The following SNED1 variants were observed in gnomAD, a reference collection of about 807,000 sequenced individuals.
The protein encoded by SNED1 is sushi, nidogen and EGF like domains 1.
A neutral mutation model predicts 166.7 loss-of-function variants in SNED1; 81 were observed. The observed-to-expected ratio is 0.49, with a 90% confidence interval of 0.41 to 0.58. SNED1 has a LOEUF of 0.58. Among genes scored for constraint, SNED1 ranks in the 20% least tolerant of loss-of-function variants. The pLI is 0.00. For synonymous variants in SNED1, 762 were observed against 822.0 expected (o/e 0.93, Z 1.25); for missense variants, 1,604 against 2,000.2 (o/e 0.80, Z 3.78).
At chr2:241,089,710 G>A (rs765212646) in intron 31 of SNED1, among the ~76,000 whole-genome samples, 2 of 152,196 alleles carry the variant, frequency 1.3e-5, no homozygotes, top group South Asian at 2.1e-4. Context: ...TCCTACAGCC[G>A]AGCATCACTT....
intron 16 of SNED1, among the ~76,000 whole-genome samples, chr2:241,057,566 C>T (rs1456766635): frequency 6.6e-6 from 1 of 151,658 alleles, no homozygotes; most frequent in East Asian, 1.9e-4. Context: ...CTCCTGTAGT[C>T]CCAACTACTC....
intron 1 of SNED1, among the ~76,000 whole-genome samples, chr2:241,012,165 T>TC (rs1056759617): frequency 1.3e-5 from 2 of 151,106 alleles, no homozygotes; most frequent in African/African-American, 4.9e-5. Flanking sequence ...AGCAGGGAGG[T>TC]CCCCCACACC....
chr2:241,063,254 C>CTAA, intron 17 of SNED1: 1 of 481,790 alleles, frequency 2.1e-6, no homozygotes. Flanking sequence ...TCTTGTACCT[C>CTAA]GCTAGGGCTC....
chr2:241,061,532 GA>G (rs1361936454), intron 16 of SNED1, among the ~76,000 whole-genome samples: 2 of 152,086 alleles, frequency 1.3e-5, no homozygotes, highest in East Asian at 3.9e-4. Context: ...ATAAACCTAA[GA>G]AAAACTTCAC....
At position 241,068,213 on chromosome 2, in the gene SNED1, C is replaced by CCGGGGGCACACTTTCCA. The variant is rs2062544865; in HGVS notation, c.3194+268_3194+284dup. 6.6e-6 allele frequency among the ~76,000 whole-genome samples: 1 copy of CCGGGGGCACACTTTCCA among 152,138 alleles called. No homozygotes were observed. Among genetic ancestry groups the CCGGGGGCACACTTTCCA allele is most frequent in the South Asian group, 2.1e-4 (1 of 4,828 alleles). On this transcript the variant is annotated intron_variant, in intron 22 of 31. Coordinates refer to ENST00000310397, the MANE Select transcript of SNED1 (RefSeq NM_001080437.3). This position sits in a 1 kb window ranked among gnomAD's most constrained non-coding sequence, Gnocchi z 5.3. ...AAAGAGCAGGAAAAGCTCAGAAAAT[C>CCGGGGGCACACTTTCCA]CGGGGGCACACTTTCCACACAGATC...
rs374810934 is a variant in SNED1 at position 241,071,815 on chromosome 2, G to A, written c.3754G>A (p.Gly1252Ser). Residue 1252 changes from glycine (G) to serine (S), a missense_variant, in exon 26 of 32, where the codon GGC (glycine) becomes AGC (serine). This residue lies in a region of SNED1 where 367 missense variants were observed against 379.4 expected (regional missense o/e 0.97). Transcript: ENST00000310397. ...CTGCAGGTTCTCGGAGCTTGTGGAC[G>A]GCAGAGGAAGAGTGAGCGCCAGGTT... ...QPPRFSELVDGRGRVSARFGG... is the reference protein window; with the variant it reads ...QPPRFSELVDSRGRVSARFGG... The A allele has an allele frequency of 2.4e-5, 39 of 1,600,312 alleles. No homozygotes were observed. Among genetic ancestry groups the A allele is most frequent in the East Asian group, 1.8e-4 (8 of 44,452 alleles).
chr2:241,094,589 C>A lies in SNED1; in HGVS notation c.*2953C>A, dbSNP rs2064268193. The A allele has an allele frequency of 2.8e-6, 1 of 354,546 alleles. No individual in the cohort carries two copies. The highest frequency in any genetic ancestry group is 2.1e-5 in the African/African-American group (1 of 46,654). 22.0% of individuals were successfully genotyped at this position (354,546 alleles called of 1,614,324 possible). On this transcript the variant is annotated 3_prime_UTR_variant, in exon 32 of 32. Coordinates refer to ENST00000310397, the MANE Select transcript of SNED1 (RefSeq NM_001080437.3). This position sits in a 1 kb window ranked among gnomAD's most constrained non-coding sequence, Gnocchi z 4.3. ...TAAATAAAATAATACGATCCTAAGT[C>A]CATTTACCATCTGAAGTTGTCACGA...
At chr2:241,024,772 A>G (rs2060901853) in intron 1 of SNED1, among the ~76,000 whole-genome samples, 1 of 151,368 alleles carries the variant, frequency 6.6e-6, no homozygotes, top group Admixed American at 6.6e-5. Context: ...CCCAGGTTCA[A>G]GCAATTCTCC....
chr2:241,035,702 G>T (rs1329138101), intron 4 of SNED1: 1 of 151,318 alleles, frequency 6.6e-6, no homozygotes, highest in Non-Finnish European at 1.5e-5. Context: ...CACCACTGTC[G>T]GGGCGGAGGC....
chr2:241,053,454 T>TCC, intron 16 of SNED1, 128 bp downstream of exon 16: 1 of 902,294 alleles, frequency 1.1e-6, no homozygotes, highest in East Asian at 2.6e-5. Flanking sequence ...CTGCCCCTGC[T>TCC]CCCCTCAGTC....
intron 16 of SNED1, among the ~76,000 whole-genome samples, chr2:241,061,582 A>T (rs1335724681): frequency 1.3e-5 from 2 of 152,152 alleles, no homozygotes; most frequent in Admixed American, 1.3e-4. Context: ...ACACAGCAAC[A>T]TTTTTTGTAA....
At chr2:241,056,229 A>C (rs2062036142) in intron 16 of SNED1, among the ~76,000 whole-genome samples, 1 of 152,224 alleles carries the variant, frequency 6.6e-6, no homozygotes, top group Admixed American at 6.5e-5. Flanking sequence ...AAAAAGTAAC[A>C]AAATAGAAAA....
intron 1 of SNED1, among the ~76,000 whole-genome samples, chr2:241,007,137 G>T (rs554246258): frequency 2.6e-5 from 4 of 152,306 alleles, no homozygotes; most frequent in Admixed American, 1.3e-4. Flanking sequence ...CCTGCTGTGG[G>T]TGACTGTATA....
Position 241,068,546 on chromosome 2 carries a change from C to T in SNED1, c.3195-365C>T, listed in dbSNP as rs1478012653. On this transcript the variant is annotated intron_variant, in intron 22 of 31. Transcript: ENST00000310397. This position sits in a 1 kb window ranked among gnomAD's most constrained non-coding sequence, Gnocchi z 5.3. ...TGGGGTGGCATTGGCCTCACGTTGT[C>T]CTGTGGTTTCCTGAGAATTTACATC... Among the ~76,000 whole-genome samples, 1 of 152,110 alleles carries T rather than the reference C, an allele frequency of 6.6e-6. No homozygotes were observed. Among genetic ancestry groups the T allele is most frequent in the East Asian group, 1.9e-4 (1 of 5,192 alleles).
At chr2:241,009,659 C>T (rs536113700) in intron 1 of SNED1, among the ~76,000 whole-genome samples, 9 of 152,248 alleles carry the variant, frequency 5.9e-5, no homozygotes, top group Admixed American at 5.2e-4. Flanking sequence ...TCCTGGGAGC[C>T]CCTCCCTTAC....
Position 241,051,639 on chromosome 2 carries a change from G to C in SNED1, c.1736-105G>C, listed in dbSNP as rs1223636015. The stretch of plus-strand genomic sequence containing the variant: ...CCAGGCCCCAGGGCTTCGTCGAGAA[G>C]GCCCCACCAGCACCAGAGGACTGAG... On this transcript the variant is annotated intron_variant, in intron 12 of 31. Coordinates refer to ENST00000310397, the MANE Select transcript of SNED1 (RefSeq NM_001080437.3). This position sits in a 1 kb window ranked among gnomAD's most constrained non-coding sequence, Gnocchi z 4.7. 1 of 911,432 alleles carries C rather than the reference G, an allele frequency of 1.1e-6. No homozygotes were observed. The highest frequency in any genetic ancestry group is 1.6e-6 in the Non-Finnish European group (1 of 633,434). The allele number at this position is 911,432 out of a possible 1,614,324, so 56.5% of individuals were successfully genotyped here.
chr2:241,024,652 C>CTTATTTTATTTTATTTTATTTTATT (rs371310534), intron 1 of SNED1, among the ~76,000 whole-genome samples: 5,301 of 139,568 alleles, frequency 0.038, 289 homozygotes, highest in East Asian at 0.18. Context: ...CTTATTTTAT[C>CTTATTTTATTTTATTTTATTTTATT]TTATTTTATT....
In SNED1 at chr2:241,040,092, A is replaced by T. The variant is rs973958779; in HGVS notation, c.1063A>T (p.Thr355Ser). The T allele has an allele frequency of 6.3e-7, 1 of 1,589,036 alleles. No individual in the cohort carries two copies. Among genetic ancestry groups the T allele is most frequent in the South Asian group, 1.1e-5 (1 of 86,986 alleles). ...TCETAQSPCDTKECQHGGQCQ... is the reference protein window; with the variant it reads ...TCETAQSPCDSKECQHGGQCQ... ...CACTCTAGCCCAATCCCCCTGTGACACCAAAGAGTGTCAACATGGTGGCCA... is the reference window on the plus strand; with the variant it reads ...CACTCTAGCCCAATCCCCCTGTGACTCCAAAGAGTGTCAACATGGTGGCCA... Residue 355 changes from threonine (T) to serine (S), a missense_variant, in exon 7 of 32, where the codon ACC (threonine) becomes TCC (serine). Physicochemically the swap from Thr to Ser is moderately conservative, Grantham distance 58. This residue lies in a region of SNED1 where 1,237 missense variants were observed against 1,620.8 expected (regional missense o/e 0.76). Transcript: ENST00000310397.
At chr2:241,085,965 T>C (rs1216388561) in intron 29 of SNED1, among the ~76,000 whole-genome samples, 1 of 150,850 alleles carries the variant, frequency 6.6e-6, no homozygotes, top group Non-Finnish European at 1.5e-5. Context: ...CCTCCTGGGT[T>C]CAAGCTATTC....
Sources: gnomAD v4.1 joint callset for allele counts (sites outside exome capture counted in the v4.1 genomes callset) on GRCh38, gnomAD v4.1.1 for gene constraint, gnomAD v4.1.1 regional missense constraint, Gnocchi (gnomAD v3.1) non-coding constraint, MANE v1.5 for transcripts, NCBI Gene and HGNC (gene_info 2026-07-23, HGNC 2026-07-21) for gene names.